The following CUX1 variants were observed in gnomAD, a reference collection of about 807,000 sequenced individuals.
The protein encoded by CUX1 is protein CASP.
Under a neutral mutation model 158.8 loss-of-function variants are expected in CUX1, and 31 were observed. The observed-to-expected ratio is 0.20, with a 90% CI of 0.15 to 0.26. The LOEUF (loss-of-function observed/expected upper bound fraction) is 0.26. CUX1 is among the 10% of genes least tolerant of loss of function. The pLI is 1.00. For synonymous variants in CUX1, 879 were observed against 862.1 expected (o/e 1.02, Z -0.34); for missense variants, 1,589 against 2,014.6 (o/e 0.79, Z 4.04).
chr7:102,241,746 C>T (rs145053216), intron 23 of CUX1, among the ~76,000 whole-genome samples: 65 of 152,366 alleles, frequency 4.3e-4, no homozygotes, highest in African/African-American at 1.6e-3. Flanking sequence ...AGGCAAACTT[C>T]CCCACAATGG....
At chr7:102,079,997 TG>T (rs1554478042) in intron 4 of CUX1, among the ~76,000 whole-genome samples, 1 of 152,182 alleles carries the variant, frequency 6.6e-6, no homozygotes, top group African/African-American at 2.4e-5. Context: ...TTCATAAACC[TG>T]GGGCTCAATC....
At chr7:102,042,774 T>G (rs563563339) in intron 3 of CUX1, among the ~76,000 whole-genome samples, 1 of 152,130 alleles carries the variant, frequency 6.6e-6, no homozygotes, top group East Asian at 1.9e-4. Flanking sequence ...ATATTTATAG[T>G]GTATAATGTG....
chr7:101,838,168 C>T (rs548956548), intron 1 of CUX1, among the ~76,000 whole-genome samples: 160 of 150,734 alleles, frequency 1.1e-3, no homozygotes, highest in African/African-American at 3.6e-3. Context: ...CTCGCTCTGT[C>T]GCCCAGGCTG....
intron 2 of CUX1, among the ~76,000 whole-genome samples, chr7:101,995,478 A>T (rs746663212): frequency 2.0e-5 from 3 of 152,200 alleles, no homozygotes; most frequent in Non-Finnish European, 4.4e-5. Flanking sequence ...GGATTCAATG[A>T]CCTTCATCAA....
At chr7:101,969,358 GCAA>G (rs1811639567) in intron 2 of CUX1, among the ~76,000 whole-genome samples, 1 of 11,140 alleles carries the variant, frequency 9.0e-5, no homozygotes, top group Non-Finnish European at 1.9e-4. Context: ...ACAAAAAACA[GCAA>G]AAAAAAAAAA....
At chr7:101,955,338 G>A (rs1563057244) in intron 2 of CUX1, among the ~76,000 whole-genome samples, 1 of 152,166 alleles carries the variant, frequency 6.6e-6, no homozygotes, top group South Asian at 2.1e-4. Flanking sequence ...AGCACCTGCT[G>A]CTTGTATTCA....
intron 2 of CUX1, among the ~76,000 whole-genome samples, chr7:101,996,682 G>A (rs1315757918): frequency 5.6e-5 from 6 of 106,302 alleles, no homozygotes; most frequent in African/African-American, 1.5e-4. Context: ...TCCTTCCCTC[G>A]TTTCCTTCCC....
chr7:102,075,402 C>T (rs916845076), intron 4 of CUX1, among the ~76,000 whole-genome samples: 2 of 152,170 alleles, frequency 1.3e-5, no homozygotes, highest in Admixed American at 6.5e-5. Context: ...TTTAGGGGAC[C>T]CTTCCCATGC....
intron 2 of CUX1, among the ~76,000 whole-genome samples, chr7:101,968,742 C>T (rs988224402): frequency 2.0e-5 from 3 of 152,142 alleles, no homozygotes; most frequent in African/African-American, 7.2e-5. Flanking sequence ...TAGAATTCTT[C>T]AGCCTTCTCC....
chr7:101,859,494 C>T (rs962830260), intron 1 of CUX1, among the ~76,000 whole-genome samples: 8 of 152,128 alleles, frequency 5.3e-5, no homozygotes, highest in Non-Finnish European at 1.0e-4. Flanking sequence ...TCAAGCTTCC[C>T]GTATTTGGCC....
chr7:102,238,821 A>T (rs1799869313), intron 22 of CUX1, among the ~76,000 whole-genome samples: 1 of 152,206 alleles, frequency 6.6e-6, no homozygotes, highest in African/African-American at 2.4e-5. Flanking sequence ...ATTCCGTCAG[A>T]GCAGGTCCTT....
At chr7:101,970,275 A>T (rs1326252032) in intron 2 of CUX1, among the ~76,000 whole-genome samples, 4 of 152,184 alleles carry the variant, frequency 2.6e-5, no homozygotes, top group African/African-American at 9.7e-5. Flanking sequence ...CAGACCTTTC[A>T]TAGAGAAACG....
At chr7:101,957,745 A>T (rs529163389) in intron 2 of CUX1, among the ~76,000 whole-genome samples, 43 of 152,182 alleles carry the variant, frequency 2.8e-4, no homozygotes, top group South Asian at 1.2e-3. Flanking sequence ...AAAATAATTT[A>T]AAAAAAACAA....
At chr7:102,035,811 C>T (rs1049996052) in intron 3 of CUX1, among the ~76,000 whole-genome samples, 17 of 151,966 alleles carry the variant, frequency 1.1e-4, no homozygotes, top group African/African-American at 4.1e-4. Context: ...ACTATTGAAG[C>T]GATCACTTTT....
intron 2 of CUX1, among the ~76,000 whole-genome samples, chr7:101,985,281 C>T (rs12530931): frequency 1.3e-5 from 2 of 151,840 alleles, no homozygotes; most frequent in Non-Finnish European, 2.9e-5. Flanking sequence ...AGAGGGGGGT[C>T]GTGCGGGGAG....
chr7:102,248,739 C>T lies in CUX1; in HGVS notation c.4215C>T (p.Pro1405=). The change falls in exon 24 of 24, where the codon CCC becomes CCT. Residue 1405 remains proline, a synonymous_variant. Coordinates refer to ENST00000292535, the MANE Select transcript of CUX1 (RefSeq NM_181552.4). This position sits in a 1 kb window ranked among gnomAD's most constrained non-coding sequence, Gnocchi z 5.8. ...PVEGPGPLPS[P]ASATATAAPA... Reference sequence around the variant, plus strand: ...AAGGCCCGGGGCCCCTGCCCAGCCCCGCCTCCGCGACCGCCACCGCCGCGC... The same window carrying T: ...AAGGCCCGGGGCCCCTGCCCAGCCCTGCCTCCGCGACCGCCACCGCCGCGC... 9.2e-7 allele frequency: 1 copy of T among 1,083,976 alleles called. No homozygotes were observed. Among genetic ancestry groups the T allele is most frequent in the Non-Finnish European group, 1.1e-6 (1 of 892,270 alleles). 67.1% of individuals were successfully genotyped at this position (1,083,976 alleles called of 1,614,324 possible). A position where few individuals can be genotyped will look rare whatever the true frequency, so the allele number is the denominator to read the frequency against.
In CUX1 at chr7:102,185,621, G is replaced by A. The variant is rs554377101; in HGVS notation, c.1018-4192G>A. Among the ~76,000 whole-genome samples, 842 of 149,444 alleles carry A rather than the reference G, an allele frequency of 5.6e-3. 9 individuals are homozygous for A. Among genetic ancestry groups the A allele is most frequent in the African/African-American group, 0.02 (801 of 40,590 alleles). On this transcript the variant is annotated intron_variant, in intron 11 of 23. Coordinates refer to ENST00000292535, the MANE Select transcript of CUX1 (RefSeq NM_181552.4). ...GTTTTTTTTTTGTTTTTTTTTTTTG[G>A]TAGAGACGGGGTCTTGCTATGTTGT...
intron 4 of CUX1, among the ~76,000 whole-genome samples, chr7:102,096,573 G>A (rs1418940889): frequency 5.3e-5 from 8 of 152,166 alleles, no homozygotes; most frequent in Non-Finnish European, 7.3e-5. Context: ...CAGCGTGCTT[G>A]TGCATGCCTG....
intron 11 of CUX1, among the ~76,000 whole-genome samples, chr7:102,185,289 C>G (rs1793510650): frequency 6.6e-6 from 1 of 152,204 alleles, no homozygotes. Flanking sequence ...GTACTAAGCT[C>G]TAAGTACCCA....
Sources: allele counts gnomAD v4.1 joint callset (sites outside exome capture counted in the v4.1 genomes callset), GRCh38; gene constraint gnomAD v4.1.1; non-coding constraint Gnocchi (gnomAD v3.1); transcripts MANE v1.5; gene names NCBI Gene and HGNC (gene_info 2026-07-23, HGNC 2026-07-21).